The following UBE2E2 variants were observed in gnomAD, a reference collection of about 807,000 sequenced individuals.
The protein encoded by UBE2E2 is ubiquitin-conjugating enzyme E2 E2.
Under a neutral mutation model 24.7 loss-of-function variants are expected in UBE2E2, and 6 were observed. That is an observed-to-expected ratio of 0.24 (90% confidence interval 0.13 to 0.48). The LOEUF is 0.48. Ranked by LOEUF, UBE2E2 falls within the 20% of genes least tolerant of loss-of-function variation. The pLI, the probability that UBE2E2 is intolerant of heterozygous loss-of-function variation, is 0.99. For missense variants in UBE2E2, 169 were observed against 245.0 expected, an observed-to-expected ratio of 0.69 and a Z score of 2.07; for synonymous variants, 104 against 83.6, an observed-to-expected ratio of 1.24 and a Z score of -1.33.
intron 3 of UBE2E2, among the ~76,000 whole-genome samples, chr3:23,314,620 A>G (rs1479508622): frequency 1.3e-5 from 2 of 152,050 alleles, no homozygotes; most frequent in African/African-American, 4.8e-5. Flanking sequence ...TTCCTTTAGC[A>G]TTTGTTGTAG....
At chr3:23,241,405 C>A (rs1477660197) in intron 3 of UBE2E2, among the ~76,000 whole-genome samples, 3 of 152,150 alleles carry the variant, frequency 2.0e-5, no homozygotes, top group African/African-American at 7.2e-5. Flanking sequence ...AAAGTGAGAT[C>A]ATATTACTCC....
At chr3:23,373,624 G>C (rs1335796777) in intron 3 of UBE2E2, among the ~76,000 whole-genome samples, 1 of 152,186 alleles carries the variant, frequency 6.6e-6, no homozygotes, top group African/African-American at 2.4e-5. Flanking sequence ...TTTCTCCAGA[G>C]ATGCCTTGCT....
At chr3:23,496,103 C>T (rs1410578757) in intron 3 of UBE2E2, among the ~76,000 whole-genome samples, 2 of 152,080 alleles carry the variant, frequency 1.3e-5, no homozygotes, top group African/African-American at 2.4e-5. Context: ...AGATATGTAT[C>T]CATAAATAAT....
intron 3 of UBE2E2, among the ~76,000 whole-genome samples, chr3:23,430,278 A>C (rs903204064): frequency 6.6e-6 from 1 of 152,098 alleles, no homozygotes; most frequent in Non-Finnish European, 1.5e-5. Flanking sequence ...AGAAAGTCTC[A>C]TTTCTTCCTT....
At chr3:23,242,190 C>T (rs1348688880) in intron 3 of UBE2E2, among the ~76,000 whole-genome samples, 1 of 152,124 alleles carries the variant, frequency 6.6e-6, no homozygotes, top group East Asian at 1.9e-4. Context: ...CTTTGACCTC[C>T]CAAAGCACTG....
intron 3 of UBE2E2, among the ~76,000 whole-genome samples, chr3:23,299,058 T>C (rs1458620333): frequency 6.6e-6 from 1 of 152,230 alleles, no homozygotes; most frequent in Non-Finnish European, 1.5e-5. Flanking sequence ...TCTTCCAGAT[T>C]TTCTAGTTTA....
chr3:23,426,950 A>G (rs1470436006), intron 3 of UBE2E2, among the ~76,000 whole-genome samples: 1 of 152,214 alleles, frequency 6.6e-6, no homozygotes, highest in Non-Finnish European at 1.5e-5. Context: ...ATCTAAAAGT[A>G]GAAAGAAATA....
intron 4 of UBE2E2, among the ~76,000 whole-genome samples, chr3:23,509,791 T>C (rs1348026523): frequency 2.9e-5 from 4 of 137,126 alleles, no homozygotes; most frequent in Non-Finnish European, 6.1e-5. Flanking sequence ...AATGTTCTCA[T>C]TGTTCAGTTC....
At chr3:23,493,856 G>T (rs1352969567) in intron 3 of UBE2E2, among the ~76,000 whole-genome samples, 1 of 152,106 alleles carries the variant, frequency 6.6e-6, no homozygotes, top group Non-Finnish European at 1.5e-5. Context: ...CTCTTTGAGT[G>T]TATTTTTGAT....
intron 3 of UBE2E2, among the ~76,000 whole-genome samples, chr3:23,362,620 C>T (rs1288723602): frequency 1.3e-5 from 2 of 152,114 alleles, no homozygotes; most frequent in African/African-American, 4.8e-5. Context: ...CAGGGTGGGC[C>T]ACCCTACCCA....
intron 3 of UBE2E2, among the ~76,000 whole-genome samples, chr3:23,359,410 A>G (rs1327377831): frequency 6.6e-6 from 1 of 152,228 alleles, no homozygotes; most frequent in Non-Finnish European, 1.5e-5. Context: ...TGAATGGGCT[A>G]GTGTTAGCTC....
chr3:23,214,232 T>C (rs1696408998), intron 2 of UBE2E2, among the ~76,000 whole-genome samples: 1 of 152,102 alleles, frequency 6.6e-6, no homozygotes, highest in South Asian at 2.1e-4. Context: ...TTATATAGAA[T>C]TATATGACAG....
intron 1 of UBE2E2, among the ~76,000 whole-genome samples, chr3:23,204,318 A>G (rs1696067664): frequency 6.6e-6 from 1 of 152,014 alleles, no homozygotes; most frequent in Admixed American, 6.5e-5. Flanking sequence ...TTAGAAAGAC[A>G]TCATCCTGTG....
intron 3 of UBE2E2, among the ~76,000 whole-genome samples, chr3:23,252,502 T>C (rs1387261449): frequency 6.6e-6 from 1 of 152,228 alleles, no homozygotes; most frequent in Non-Finnish European, 1.5e-5. Context: ...AAAATTTTTT[T>C]TTTTAATTTT....
chr3:23,444,356 A>T (rs1453284628), intron 3 of UBE2E2, among the ~76,000 whole-genome samples: 3 of 151,882 alleles, frequency 2.0e-5, no homozygotes, highest in Admixed American at 6.6e-5. Context: ...TTTTCTACTG[A>T]TGTACTGGCT....
chr3:23,533,815 G>A (rs146686918), intron 5 of UBE2E2, among the ~76,000 whole-genome samples: 4,456 of 151,848 alleles, frequency 0.029, 111 homozygotes, highest in East Asian at 0.13. Flanking sequence ...TAGAGACGGG[G>A]TTTCACCGTG....
chr3:23,472,572 A>G (rs540022604), intron 3 of UBE2E2, among the ~76,000 whole-genome samples: 45 of 151,128 alleles, frequency 3.0e-4, no homozygotes, highest in South Asian at 6.2e-4. Flanking sequence ...ATATCTTTAA[A>G]TAATGCTTCA....
At chr3:23,267,308 C>G (rs1698076713) in intron 3 of UBE2E2, among the ~76,000 whole-genome samples, 1 of 151,410 alleles carries the variant, frequency 6.6e-6, no homozygotes, top group South Asian at 2.1e-4. Flanking sequence ...AGACCGCTAG[C>G]AAGACTAATA....
At chr3:23,277,791 G>C (rs1354163658) in intron 3 of UBE2E2, among the ~76,000 whole-genome samples, 2 of 152,022 alleles carry the variant, frequency 1.3e-5, no homozygotes, top group Non-Finnish European at 2.9e-5. Flanking sequence ...AGATATTGGT[G>C]CCATTCAAAG....
Sources: allele counts gnomAD v4.1 joint callset (sites outside exome capture counted in the v4.1 genomes callset), GRCh38; gene constraint gnomAD v4.1.1; transcripts MANE v1.5; gene names NCBI Gene and HGNC (gene_info 2026-07-23, HGNC 2026-07-21).